Variants in ADAM12 observed in about 807,000 individuals in gnomAD.
ADAM12 encodes disintegrin and metalloproteinase domain-containing protein 12.
In ADAM12, 70 loss-of-function variants were observed where a neutral mutation model predicts 106.4. The ratio of observed to expected loss-of-function variants is 0.66; its 90% CI spans 0.54 to 0.80. The LOEUF is 0.80. ADAM12 is among the 30% of genes least tolerant of loss of function. The probability of loss-of-function intolerance (pLI) is 0.00; values close to 1 mark genes in which losing one functional copy is unlikely to be tolerated. For synonymous variants in ADAM12, 420 were observed against 433.5 expected (o/e 0.97, Z 0.39); for missense variants, 1,010 against 1,171.9 (o/e 0.86, Z 2.02).
intron 6 of ADAM12, among the ~76,000 whole-genome samples, chr10:126,111,472 A>AT (rs2133603358): frequency 6.6e-6 from 1 of 152,332 alleles, no homozygotes; most frequent in African/African-American, 2.4e-5. Context: ...CTAATTAATC[A>AT]TTAAAAAAAT....
chr10:126,327,158 G>A (rs1222822580), intron 2 of ADAM12, among the ~76,000 whole-genome samples: 1 of 152,198 alleles, frequency 6.6e-6, no homozygotes, highest in East Asian at 1.9e-4. Context: ...TGGGGCTGTG[G>A]TTAGTGCCTC....
At position 126,296,026 on chromosome 10, in the gene ADAM12, C is replaced by G. The variant is rs79636753; in HGVS notation, c.187-17038G>C. ...AACCAATTCCAAGTTCTGGCAGGAA[C>G]AGTCCATGAAGGGCAGTAACTGGAG... is the stretch of plus-strand genomic sequence containing the variant. On this transcript the variant is annotated intron_variant, in intron 2 of 22. Coordinates refer to ENST00000448723, the MANE Select transcript of ADAM12 (RefSeq NM_001288973.2). 4.1e-4 allele frequency among the ~76,000 whole-genome samples: 63 copies of G among 152,248 alleles called. 1 individual carries two copies. The East Asian group carries it at 0.012, about 29-fold the overall frequency.
chr10:126,233,192 G>A (rs183282294), intron 3 of ADAM12, among the ~76,000 whole-genome samples: 2 of 152,250 alleles, frequency 1.3e-5, no homozygotes, highest in Admixed American at 6.5e-5. Context: ...GAACAGCCAA[G>A]GGCAGAACCC....
At chr10:126,137,110 G>T (rs1036174973) in intron 4 of ADAM12, among the ~76,000 whole-genome samples, 3 of 151,950 alleles carry the variant, frequency 2.0e-5, no homozygotes, top group Non-Finnish European at 4.4e-5. Context: ...TAATTTTTGT[G>T]GGACTGTGAG....
intron 11 of ADAM12, among the ~76,000 whole-genome samples, chr10:126,080,491 C>T (rs777835949): frequency 1.3e-5 from 2 of 151,968 alleles, no homozygotes; most frequent in African/African-American, 2.4e-5. Flanking sequence ...TTTCCCTTGG[C>T]GTGAGAATGC....
intron 4 of ADAM12, among the ~76,000 whole-genome samples, chr10:126,151,737 C>A (rs1956731428): frequency 6.6e-6 from 1 of 151,848 alleles, no homozygotes; most frequent in Admixed American, 6.6e-5. Flanking sequence ...AGTACTATTA[C>A]AAATTTAATA....
chr10:126,312,581 C>A (rs972449872), intron 2 of ADAM12, among the ~76,000 whole-genome samples: 2 of 151,864 alleles, frequency 1.3e-5, no homozygotes, highest in Admixed American at 6.6e-5. Context: ...AGGAGGCAGG[C>A]CTGTGGGGAG....
intron 11 of ADAM12, among the ~76,000 whole-genome samples, chr10:126,088,383 G>A (rs1955396972): frequency 6.6e-6 from 1 of 152,062 alleles, no homozygotes; most frequent in African/African-American, 2.4e-5. Flanking sequence ...CAGGGGCAGG[G>A]CTGCTGTCTT....
Position 126,388,355 on chromosome 10 carries a change from C to A in ADAM12, c.-210G>T. 1 of 665,910 alleles carries A rather than the reference C, an allele frequency of 1.5e-6. No homozygotes were observed. The highest frequency in any genetic ancestry group is 1.9e-5 in the African/African-American group (1 of 52,110). The allele number at this position is 665,910 out of a possible 1,614,324, so 41.3% of individuals were successfully genotyped here. Reference sequence around the variant, plus strand: ...AAGTTTCCCCCCGTGTGTGTGCGTGCGTGCGCGCGCGCGCGCCGTTCTGGC... The same window carrying A: ...AAGTTTCCCCCCGTGTGTGTGCGTGAGTGCGCGCGCGCGCGCCGTTCTGGC... On this transcript the variant is annotated 5_prime_UTR_variant, in exon 1 of 23. Coordinates refer to ENST00000448723, the MANE Select transcript of ADAM12 (RefSeq NM_001288973.2). The surrounding 1 kb of genome is among the most constrained non-coding windows in gnomAD (Gnocchi z 4.4).
chr10:126,131,101 CTTCTTTTTTT>C (rs1956295588), intron 5 of ADAM12, among the ~76,000 whole-genome samples: 2 of 90,572 alleles, frequency 2.2e-5, no homozygotes, highest in Admixed American at 1.3e-4. Context: ...TCTCAGCTGT[CTTCTTTTTTT>C]TTTTTTTTTT....
intron 3 of ADAM12, among the ~76,000 whole-genome samples, chr10:126,234,643 C>T (rs1025208064): frequency 2.6e-5 from 4 of 152,238 alleles, no homozygotes; most frequent in Admixed American, 1.3e-4. Context: ...AACACACACG[C>T]ATCCTGACAG....
intron 2 of ADAM12, among the ~76,000 whole-genome samples, chr10:126,295,908 C>A (rs201331792): frequency 3.3e-5 from 3 of 92,200 alleles, no homozygotes; most frequent in Admixed American, 2.5e-4. Flanking sequence ...CACACACACA[C>A]AAACACACAC....
intron 3 of ADAM12, among the ~76,000 whole-genome samples, chr10:126,172,467 A>G (rs1428304028): frequency 6.6e-6 from 1 of 152,230 alleles, no homozygotes; most frequent in East Asian, 1.9e-4. Flanking sequence ...ATATTTCTCA[A>G]AAGAAGACAT....
intron 3 of ADAM12, among the ~76,000 whole-genome samples, chr10:126,223,958 T>C (rs1007168800): frequency 7.9e-5 from 12 of 152,192 alleles, no homozygotes; most frequent in African/African-American, 2.9e-4. Context: ...TAAGAGATGC[T>C]GGATGACTGA....
At chr10:126,321,914 G>GGGC (rs1244387780) in intron 2 of ADAM12, among the ~76,000 whole-genome samples, 1 of 138,260 alleles carries the variant, frequency 7.2e-6, no homozygotes, top group Non-Finnish European at 1.6e-5. Flanking sequence ...TCGGGGGGGG[G>GGGC]GCTTCAGCAA....
chr10:126,387,825 G>C (rs1813289875), intron 1 of ADAM12, among the ~76,000 whole-genome samples: 1 of 152,010 alleles, frequency 6.6e-6, no homozygotes, highest in African/African-American at 2.4e-5. Context: ...GTGCCCTCCG[G>C]GGCAGGTACT....
intron 4 of ADAM12, among the ~76,000 whole-genome samples, chr10:126,150,381 T>C (rs955615266): frequency 6.6e-6 from 1 of 152,146 alleles, no homozygotes; most frequent in Non-Finnish European, 1.5e-5. Flanking sequence ...GTACTCTAGG[T>C]TCTTATATAT....
At chr10:126,065,149 C>G in intron 13 of ADAM12, 148 bp from the exon 14 acceptor site, 1 of 817,200 alleles carries the variant, frequency 1.2e-6, no homozygotes, top group Admixed American at 3.0e-5. Context: ...TGTAGAGATA[C>G]CTCATTAAAT....
chr10:126,187,256 C>T (rs1590585085), intron 3 of ADAM12, among the ~76,000 whole-genome samples: 1 of 151,942 alleles, frequency 6.6e-6, no homozygotes, highest in East Asian at 1.9e-4. Flanking sequence ...CTCTGATCGT[C>T]TCTGCATGAT....
Sources: gnomAD v4.1 joint callset for allele counts (sites outside exome capture counted in the v4.1 genomes callset) on GRCh38, gnomAD v4.1.1 for gene constraint, Gnocchi (gnomAD v3.1) non-coding constraint, MANE v1.5 for transcripts, NCBI Gene and HGNC (gene_info 2026-07-23, HGNC 2026-07-21) for gene names.